Variants in CIC observed in about 807,000 individuals in gnomAD.
CIC encodes the protein protein capicua homolog.
In CIC, 18 loss-of-function variants were observed where a neutral mutation model predicts 115.7. The ratio of observed to expected loss-of-function variants is 0.16; its 90% CI spans 0.11 to 0.23. The LOEUF (loss-of-function observed/expected upper bound fraction) is 0.23. Ranked by LOEUF, CIC falls within the 10% of genes least tolerant of loss-of-function variation. CIC has a pLI of 1.00. For synonymous variants in CIC, 1,076 were observed against 923.0 expected (o/e 1.17, Z -3.01); for missense variants, 2,000 against 2,159.3 (o/e 0.93, Z 1.46).
intron 2 of CIC, among the ~76,000 whole-genome samples, chr19:42,281,703 C>T (rs1206751657): frequency 6.6e-6 from 1 of 152,196 alleles, no homozygotes; most frequent in African/African-American, 2.4e-5. Context: ...GCGCCCAGGG[C>T]AGGGGGGCCC....
rs2037865023 is a variant in CIC, at chr19:42,288,946, T to C, written c.3717T>C (p.Ala1239=). 6.2e-6 allele frequency: 10 copies of C among 1,614,046 alleles called. No individual in the cohort carries two copies. Among genetic ancestry groups the C allele is most frequent in the Non-Finnish European group, 8.5e-6 (10 of 1,180,016 alleles). The change falls in exon 8 of 21, where the codon GCT becomes GCC. Residue 1239 remains alanine (A), a synonymous_variant. Coordinates refer to ENST00000681038, the MANE Select transcript of CIC (RefSeq NM_001386298.1). ...AQTLLSSDTK[A]PGSSSCGAER... The stretch of plus-strand genomic sequence containing the variant: ...CACTCCTGAGCTCAGACACCAAGGC[T>C]CCGGGGAGCAGCTCCTGTGGGGCAG...
Position 42,294,043 on chromosome 19 carries a change from C to T in CIC, c.6876C>T (p.Pro2292=), listed in dbSNP as rs770107914. The change falls in exon 18 of 21, where the codon CCC becomes CCT. Residue 2292 remains proline, a synonymous_variant. Transcript: ENST00000681038. ...SPTLQSLATS[P]RAILGSYRKK... is the part of the protein sequence containing the mutation. The stretch of plus-strand genomic sequence containing the variant: ...CCCTGCAGTCTCTGGCCACCTCACC[C>T]CGGGCCATCCTGGGCTCTTACCGCA... The T allele has an allele frequency of 1.4e-5, 22 of 1,613,622 alleles. No individual in the cohort carries two copies. Among genetic ancestry groups the T allele is most frequent in the Non-Finnish European group, 1.8e-5 (21 of 1,180,010 alleles).
chr19:42,289,426 G>A lies in CIC; in HGVS notation c.4087+20G>A, dbSNP rs1314877798. 1.3e-6 allele frequency: 2 copies of A among 1,557,958 alleles called. No individual in the cohort carries two copies. Among genetic ancestry groups the A allele is most frequent in the East Asian group, 4.9e-5 (2 of 41,140 alleles). ...TCATTGGTGAGCATTGCAGGGCCCA[G>A]AATCTTGCCCAGGACCCAGCAGGCC... On this transcript the variant is annotated intron_variant, in intron 9 of 20. Transcript: ENST00000681038.
chr19:42,288,796 C>T (rs1243542027), intron 7 of CIC, 92 bp from the exon 8 acceptor site: 1 of 1,177,112 alleles, frequency 8.5e-7, no homozygotes, highest in African/African-American at 1.5e-5. Flanking sequence ...CTGCTTCTGC[C>T]TAGTACCTAG....
rs1194552881 is a variant in CIC at position 42,280,741 on chromosome 19, A to C, written c.2795-6030A>C. 6.6e-6 allele frequency among the ~76,000 whole-genome samples: 1 copy of C among 151,810 alleles called. No individual in the cohort carries two copies. Among genetic ancestry groups the C allele is most frequent in the East Asian group, 1.9e-4 (1 of 5,136 alleles). ...GGGGTTGGCTGGGGGCCAGGCGGCG[A>C]GTGGAAAATCTCGTGAGCGCGGGGA... On this transcript the variant is annotated intron_variant, in intron 2 of 20. Transcript: ENST00000681038. The surrounding 1 kb of genome is among the most constrained non-coding windows in gnomAD (Gnocchi z 4.9).
chr19:42,282,669 A>G (rs1453817751), intron 2 of CIC, among the ~76,000 whole-genome samples: 1 of 152,204 alleles, frequency 6.6e-6, no homozygotes, highest in African/African-American at 2.4e-5. Context: ...CTTGAGTTAG[A>G]GCTCTGGGCT....
chr19:42,274,026 G>A lies in CIC; in HGVS notation c.2243G>A (p.Gly748Asp). 1 of 398,762 alleles carries A rather than the reference G, an allele frequency of 2.5e-6. No individual in the cohort carries two copies. Among genetic ancestry groups the A allele is most frequent in the East Asian group, 3.6e-5 (1 of 28,064 alleles). 24.7% of individuals were successfully genotyped at this position (398,762 alleles called of 1,614,324 possible). Reference sequence around the variant, plus strand: ...CCCAAGAGTGACAGCTTAGACTCTGGTGTGGACTCAGTGTCCCACACACCT... The same window carrying A: ...CCCAAGAGTGACAGCTTAGACTCTGATGTGGACTCAGTGTCCCACACACCT... ...DFPKSDSLDS[G>D]VDSVSHTPTP... is the part of the protein sequence containing the mutation. Residue 748 changes from glycine (G) to aspartate (D), a missense_variant, in exon 2 of 21, where the codon GGT (glycine) becomes GAT (aspartate). By Grantham distance (94) the Gly-to-Asp change is moderately conservative. Transcript: ENST00000681038.
Position 42,290,222 on chromosome 19 carries a change from C to G in CIC, c.4192-11C>G. On this transcript the variant is annotated splice_polypyrimidine_tract_variant and intron_variant, in intron 10 of 20. Transcript: ENST00000681038. ...GTCCTGACCTGGGGTGTCTCCCTTC[C>G]TTTCATGCAGGGCTTTGGTCGGAAG... The G allele has an allele frequency of 6.2e-7, 1 of 1,614,088 alleles. No individual in the cohort carries two copies. Among genetic ancestry groups the G allele is most frequent in the Non-Finnish European group, 8.5e-7 (1 of 1,179,996 alleles).
intron 2 of CIC, among the ~76,000 whole-genome samples, chr19:42,276,534 C>CA (rs2036984063): frequency 6.6e-6 from 1 of 152,156 alleles, no homozygotes; most frequent in Non-Finnish European, 1.5e-5. Flanking sequence ...TTTGGGGCTC[C>CA]AGCCCAGGCC....
In CIC at chr19:42,272,133, C is replaced by T. The variant is rs962526448; in HGVS notation, c.350C>T (p.Ala117Val). 1.3e-5 allele frequency: 5 copies of T among 399,016 alleles called. No homozygotes were observed. The highest frequency in any genetic ancestry group is 4.1e-5 in the African/African-American group (2 of 48,650). 24.7% of individuals were successfully genotyped at this position (399,016 alleles called of 1,614,324 possible). ...SRKTATFKSR[A>V]PKKKYVEEHG... The stretch of plus-strand genomic sequence containing the variant: ...AAGACAGCCACGTTCAAGTCTCGAG[C>T]GCCCAAGAAGAAGTATGTGGAGGAG... Residue 117 changes from alanine (A) to valine (V), a missense_variant, in exon 2 of 21, where the codon GCG becomes GTG. By Grantham distance (64) the Ala-to-Val change is moderately conservative. Around this residue, in one of 8 missense-constraint regions of CIC, gnomAD observed 222 missense variants for 247.7 expected, o/e 0.90. Coordinates refer to ENST00000681038, the MANE Select transcript of CIC (RefSeq NM_001386298.1).
chr19:42,283,524 T>C lies in CIC; in HGVS notation c.2795-3247T>C, dbSNP rs183643724. On this transcript the variant is annotated intron_variant, in intron 2 of 20. Coordinates refer to ENST00000681038, the MANE Select transcript of CIC (RefSeq NM_001386298.1). ...TGCCCGTGGGGTGTGTAGGAGATAATGGGTGTGGCACGAAAGTGTGTCTGT... is the reference window on the plus strand; with the variant it reads ...TGCCCGTGGGGTGTGTAGGAGATAACGGGTGTGGCACGAAAGTGTGTCTGT... 2.2e-3 allele frequency among the ~76,000 whole-genome samples: 341 copies of C among 151,992 alleles called. 2 individuals are homozygous for C. The highest frequency in any genetic ancestry group is 7.9e-3 in the African/African-American group (329 of 41,442).
chr19:42,293,129 G>C lies in CIC; in HGVS notation c.6370G>C (p.Glu2124Gln). ...RQPLEPGPVR[E>Q]PTAPESELEG... is the part of the protein sequence containing the mutation. The stretch of plus-strand genomic sequence containing the variant: ...GCCTCTGGAGCCTGGCCCAGTCCGA[G>C]AGCCAACTGCCCCAGAGTCTGAGCT... The change falls in exon 16 of 21, where the codon GAG (glutamate) becomes CAG (glutamine). Residue 2124 changes from glutamate to glutamine, a missense_variant. By Grantham distance (29) the Glu-to-Gln change is conservative. Coordinates refer to ENST00000681038, the MANE Select transcript of CIC (RefSeq NM_001386298.1). 4.4e-6 allele frequency: 7 copies of C among 1,608,506 alleles called. No homozygotes were observed. The highest frequency in any genetic ancestry group is 5.9e-6 in the Non-Finnish European group (7 of 1,178,122).
chr19:42,284,788 C>T, intron 2 of CIC: 1 of 1,546,896 alleles, frequency 6.5e-7, no homozygotes, highest in Non-Finnish European at 8.7e-7. Flanking sequence ...AGCGCCTGGG[C>T]CCTGGGACTG....
chr19:42,293,132 C>G lies in CIC; in HGVS notation c.6373C>G (p.Pro2125Ala), dbSNP rs1201774698. Residue 2125 changes from proline (P) to alanine (A), a missense_variant, in exon 16 of 21, where the codon CCA (proline) becomes GCA (alanine). Coordinates refer to ENST00000681038, the MANE Select transcript of CIC (RefSeq NM_001386298.1). ...QPLEPGPVRE[P>A]TAPESELEGQ... ...TCTGGAGCCTGGCCCAGTCCGAGAG[C>G]CAACTGCCCCAGAGTCTGAGCTTGA... 1.9e-6 allele frequency: 3 copies of G among 1,607,902 alleles called. No individual in the cohort carries two copies. Among genetic ancestry groups the G allele is most frequent in the Non-Finnish European group, 8.5e-7 (1 of 1,177,906 alleles).
At chr19:42,284,996 A>G (rs1445256977) in intron 2 of CIC, among the ~76,000 whole-genome samples, 1 of 151,912 alleles carries the variant, frequency 6.6e-6, no homozygotes, top group Non-Finnish European at 1.5e-5. Context: ...AAGTGATGGG[A>G]TGGCACAGGT....
chr19:42,286,981 C>G (rs1255940257), intron 3 of CIC, 25 bp from the exon 4 acceptor site: 1 of 1,608,278 alleles, frequency 6.2e-7, no homozygotes, highest in Non-Finnish European at 8.5e-7. Flanking sequence ...CCTAGGAGCC[C>G]TCTGATCTAC....
At chr19:42,294,467 C>A in intron 19 of CIC, 137 bp from the exon 20 acceptor site, 2 of 1,547,368 alleles carry the variant, frequency 1.3e-6, no homozygotes, top group East Asian at 2.3e-5. Flanking sequence ...CCTAGGTTGC[C>A]CTGTGACTGT....
At position 42,294,952 on chromosome 19, in the gene CIC, G is replaced by A; in HGVS notation, c.7315G>A (p.Gly2439Arg). ...QAATPTEQPP[G>R]AEAPLPVPPP... is the part of the protein sequence containing the mutation. ...TGCCACTCCCACGGAGCAGCCCCCT[G>A]GAGCTGAGGCTCCTCTCCCTGTACC... Residue 2439 changes from glycine to arginine, a missense_variant, in exon 21 of 21, where the codon GGA (glycine) becomes AGA (arginine). Gly to Arg is a moderately radical substitution (Grantham distance 125). Coordinates refer to ENST00000681038, the MANE Select transcript of CIC (RefSeq NM_001386298.1). The A allele has an allele frequency of 6.2e-7, 1 of 1,600,414 alleles. No homozygotes were observed. Among genetic ancestry groups the A allele is most frequent in the Non-Finnish European group, 8.5e-7 (1 of 1,179,920 alleles).
Position 42,289,017 on chromosome 19 carries a change from C to A in CIC, c.3788C>A (p.Ala1263Asp), listed in dbSNP as rs757944937. Residue 1263 changes from alanine (A) to aspartate (D), a missense_variant, in exon 8 of 21, where the codon GCT becomes GAT. Coordinates refer to ENST00000681038, the MANE Select transcript of CIC (RefSeq NM_001386298.1). ...GGACCTGGCTCAGCCCGGCCCCGAG[C>A]TTTCTCCCACAGCGGGGTACACAGC... is the stretch of plus-strand genomic sequence containing the variant. Reference protein sequence around the residue: ...VGGPGSARPRAFSHSGVHSLD... With the variant: ...VGGPGSARPRDFSHSGVHSLD... 11 of 1,613,848 alleles carry A rather than the reference C, an allele frequency of 6.8e-6. No homozygotes were observed. The highest frequency in any genetic ancestry group is 8.5e-6 in the Non-Finnish European group (10 of 1,180,048).
Sources: allele counts gnomAD v4.1 joint callset (sites outside exome capture counted in the v4.1 genomes callset), GRCh38; gene constraint gnomAD v4.1.1; regional missense constraint gnomAD v4.1.1; non-coding constraint Gnocchi (gnomAD v3.1); transcripts MANE v1.5; gene names NCBI Gene and HGNC (gene_info 2026-07-23, HGNC 2026-07-21).